The following GCSAML variants were observed in gnomAD, a reference collection of about 807,000 sequenced individuals.
The protein encoded by GCSAML is germinal center associated signaling and motility like.
GCSAML carries 9 observed loss-of-function variants against 13.0 expected under a neutral mutation model. The ratio of observed to expected loss-of-function variants is 0.69; its 90% CI spans 0.42 to 1.21. The LOEUF is 1.21. Among genes scored for constraint, GCSAML ranks in the 50% most tolerant of loss-of-function variants. The pLI, the probability that GCSAML is intolerant of heterozygous loss-of-function variation, is 0.00. For missense variants in GCSAML, 143 were observed against 153.4 expected (o/e 0.93, Z 0.36); for synonymous variants, 37 against 52.9 (o/e 0.70, Z 1.31).
intron 1 of GCSAML, among the ~76,000 whole-genome samples, chr1:247,523,005 A>T (rs1666512695): frequency 6.6e-6 from 1 of 151,964 alleles, no homozygotes; most frequent in Non-Finnish European, 1.5e-5. Flanking sequence ...CATTGCTAAC[A>T]CTCAGTCTAG....
chr1:247,562,696 C>T (rs1323072306), intron 2 of GCSAML, among the ~76,000 whole-genome samples: 1 of 152,080 alleles, frequency 6.6e-6, no homozygotes, highest in African/African-American at 2.4e-5. Flanking sequence ...AGGAGTCTGA[C>T]TGACAGAGAA....
chr1:247,532,449 T>A (rs758305368), intron 2 of GCSAML: 1 of 1,613,828 alleles, frequency 6.2e-7, no homozygotes, highest in Admixed American at 1.7e-5. Context: ...CTAGTGAGGG[T>A]CGTGTGGAGA....
At chr1:247,535,204 A>G (rs550773803) in intron 2 of GCSAML, among the ~76,000 whole-genome samples, 1 of 152,258 alleles carries the variant, frequency 6.6e-6, no homozygotes, top group African/African-American at 2.4e-5. Flanking sequence ...AGTCTCAGCT[A>G]CTTGGGAAGC....
chr1:247,542,374 G>A (rs1358035807), intron 2 of GCSAML, among the ~76,000 whole-genome samples: 1 of 152,206 alleles, frequency 6.6e-6, no homozygotes, highest in Non-Finnish European at 1.5e-5. Context: ...GTAACTCCTT[G>A]TAGAATACTG....
rs1448589838 is a variant in GCSAML, at chr1:247,527,889, C to T, written c.-148+835C>T. 1 of 152,166 alleles carries T rather than the reference C, an allele frequency of 6.6e-6. No individual in the cohort carries two copies. Among genetic ancestry groups the T allele is most frequent in the African/African-American group, 2.4e-5 (1 of 41,412 alleles). 9.4% of individuals were successfully genotyped at this position (152,166 alleles called of 1,614,324 possible). ...CCTTTAACAAATCTCTTCTCATTCCCCCACCCCTGCTATCCATTCCCAGCC... is the reference window on the plus strand; with the variant it reads ...CCTTTAACAAATCTCTTCTCATTCCTCCACCCCTGCTATCCATTCCCAGCC... On this transcript the variant is annotated intron_variant, in intron 2 of 5. Transcript: ENST00000366489. This position sits in a 1 kb window ranked among gnomAD's most constrained non-coding sequence, Gnocchi z 4.6.
intron 2 of GCSAML, chr1:247,532,276 A>C: frequency 6.2e-7 from 1 of 1,614,202 alleles, no homozygotes. Context: ...GAGCTGTGGG[A>C]CAATGCTCGT....
rs1572386425 is a variant in GCSAML, at chr1:247,574,493, G to A, written c.*111G>A. 8.2e-7 allele frequency: 1 copy of A among 1,213,854 alleles called. No homozygotes were observed. The highest frequency in any genetic ancestry group is 2.4e-5 in the East Asian group (1 of 41,838). 75.2% of individuals were successfully genotyped at this position (1,213,854 alleles called of 1,614,324 possible). ...CATGAAACATTCCTTTCTGGCTAAAGTTTAGAAATATTATCTTATTATATA... is the reference window on the plus strand; with the variant it reads ...CATGAAACATTCCTTTCTGGCTAAAATTTAGAAATATTATCTTATTATATA... On this transcript the variant is annotated 3_prime_UTR_variant, in exon 5 of 5. Coordinates refer to ENST00000366488, the MANE Select transcript of GCSAML (RefSeq NM_145278.5).
rs1666685469 is a variant in GCSAML, at chr1:247,526,438, A to C, written c.-262-502A>C. On this transcript the variant is annotated intron_variant, in intron 1 of 5. Transcript: ENST00000366489. This position sits in a 1 kb window ranked among gnomAD's most constrained non-coding sequence, Gnocchi z 4.8. ...ATGTTCTGTGATCCCAGAGAGCAGGAAAGGGCAAGGACAAAGAGGGTTTGG... is the reference window on the plus strand; with the variant it reads ...ATGTTCTGTGATCCCAGAGAGCAGGCAAGGGCAAGGACAAAGAGGGTTTGG... The C allele has an allele frequency of 6.5e-6, 1 of 154,666 alleles. No homozygotes were observed. The highest frequency in any genetic ancestry group is 1.4e-5 in the Non-Finnish European group (1 of 69,726). The allele number at this position is 154,666 out of a possible 1,614,324, so 9.6% of individuals were successfully genotyped here. A position where few individuals can be genotyped will look rare whatever the true frequency, so the allele number is the denominator to read the frequency against.
In GCSAML at chr1:247,566,026, G is replaced by A. The variant is rs531352871; in HGVS notation, c.168+67G>A. On this transcript the variant is annotated intron_variant, in intron 4 of 4. Coordinates refer to ENST00000366488, the MANE Select transcript of GCSAML (RefSeq NM_145278.5). ...CTTTTATTATGTTTGTCTGATAAAT[G>A]CCAAAATACAGATGATTTATTCAAG... The A allele has an allele frequency of 1.2e-4, 129 of 1,077,488 alleles. No homozygotes were observed. In the African/African-American group the frequency reaches 2.0e-3, roughly 16 times the overall value. 66.7% of individuals were successfully genotyped at this position (1,077,488 alleles called of 1,614,324 possible). A position where few individuals can be genotyped will look rare whatever the true frequency, so the allele number is the denominator to read the frequency against.
intron 1 of GCSAML, among the ~76,000 whole-genome samples, chr1:247,508,490 G>T (rs7515219): frequency 0.73 from 111,086 of 151,958 alleles, 42,343 homozygotes; most frequent in East Asian, 0.96. Context: ...AGTTTCTTTT[G>T]CTGTGCAGAA....
Position 247,574,447 on chromosome 1 carries a change from A to G in GCSAML, c.*65A>G. 1 of 1,572,344 alleles carries G rather than the reference A, an allele frequency of 6.4e-7. No individual in the cohort carries two copies. Among genetic ancestry groups the G allele is most frequent in the Admixed American group, 1.7e-5 (1 of 58,398 alleles). On this transcript the variant is annotated 3_prime_UTR_variant, in exon 5 of 5. Coordinates refer to ENST00000366488, the MANE Select transcript of GCSAML (RefSeq NM_145278.5). ...AATGCAGAATAGCAGACTCTGGCGA[A>G]GTTGTTCACCCTGAGCAGTGCATGA...
intron 2 of GCSAML, chr1:247,536,025 A>C (rs1290035211): frequency 6.6e-6 from 1 of 152,222 alleles, no homozygotes; most frequent in East Asian, 1.9e-4. Context: ...ATCAAAGGCC[A>C]CATGAGGAAA....
At chr1:247,570,349 T>C (rs1662183973) in intron 4 of GCSAML, among the ~76,000 whole-genome samples, 1 of 152,212 alleles carries the variant, frequency 6.6e-6, no homozygotes, top group Admixed American at 6.5e-5. Flanking sequence ...CATTTAGTGC[T>C]ATAAATTTCC....
In GCSAML at chr1:247,577,583, A is replaced by G. The variant is rs118153895; in HGVS notation, c.*3201A>G. 34 of 152,322 alleles carry G rather than the reference A, an allele frequency of 2.2e-4. No homozygotes were observed. In the East Asian group the frequency reaches 5.4e-3, roughly 24 times the overall value. The allele number at this position is 152,322 out of a possible 1,614,324, so 9.4% of individuals were successfully genotyped here. A position where few individuals can be genotyped will look rare whatever the true frequency, so the allele number is the denominator to read the frequency against. On this transcript the variant is annotated 3_prime_UTR_variant, in exon 5 of 5. Coordinates refer to ENST00000366488, the MANE Select transcript of GCSAML (RefSeq NM_145278.5). ...CTTGTCTCAGCATATCACCATATAG[A>G]TATACTATAATTTGTTAATCTAATC... is the stretch of plus-strand genomic sequence containing the variant.
Position 247,565,912 on chromosome 1 carries a change from T to C in GCSAML, c.140-19T>C, listed in dbSNP as rs750642079. 12 of 1,554,202 alleles carry C rather than the reference T, an allele frequency of 7.7e-6. No individual in the cohort carries two copies. Among genetic ancestry groups the C allele is most frequent in the African/African-American group, 1.4e-5 (1 of 71,510 alleles). ...AGTGCTTTCCTTTCTTTCTTTTTTTTTTTTTTTTAATTCTCCAGGCCAAGA... is the reference window on the plus strand; with the variant it reads ...AGTGCTTTCCTTTCTTTCTTTTTTTCTTTTTTTTAATTCTCCAGGCCAAGA... On this transcript the variant is annotated intron_variant, in intron 3 of 4. Coordinates refer to ENST00000366488, the MANE Select transcript of GCSAML (RefSeq NM_145278.5).
At chr1:247,514,428 G>T (rs920111922) in intron 1 of GCSAML, among the ~76,000 whole-genome samples, 4 of 152,152 alleles carry the variant, frequency 2.6e-5, no homozygotes, top group Admixed American at 2.6e-4. Flanking sequence ...TCAGTTGTCT[G>T]TTAACTCTGC....
chr1:247,574,480 C>T lies in GCSAML; in HGVS notation c.*98C>T. 7.6e-7 allele frequency: 1 copy of T among 1,318,484 alleles called. No individual in the cohort carries two copies. Among genetic ancestry groups the T allele is most frequent in the Non-Finnish European group, 1.0e-6 (1 of 953,568 alleles). 81.7% of individuals were successfully genotyped at this position (1,318,484 alleles called of 1,614,324 possible). The stretch of plus-strand genomic sequence containing the variant: ...ACCCTGAGCAGTGCATGAAACATTC[C>T]TTTCTGGCTAAAGTTTAGAAATATT... On this transcript the variant is annotated 3_prime_UTR_variant, in exon 5 of 5. Transcript: ENST00000366488.
At position 247,565,935 on chromosome 1, in the gene GCSAML, A is replaced by G. The variant is rs755961247; in HGVS notation, c.144A>G (p.Gln48=). Residue 48 remains glutamine, a synonymous_variant, in exon 4 of 5, where the codon CAA becomes CAG. Coordinates refer to ENST00000366488, the MANE Select transcript of GCSAML (RefSeq NM_145278.5). ...RKLQDQDKKS[Q]EVSSTSNQEN... is the part of the protein sequence containing the mutation. ...TTTTTTTTTTTAATTCTCCAGGCCA[A>G]GAAGTTTCATCCACTTCTAATCAGG... 5.8e-6 allele frequency: 9 copies of G among 1,559,330 alleles called. No individual in the cohort carries two copies. The highest frequency in any genetic ancestry group is 7.8e-6 in the Non-Finnish European group (9 of 1,160,350).
intron 1 of GCSAML, among the ~76,000 whole-genome samples, chr1:247,512,786 G>A (rs1666084698): frequency 6.6e-6 from 1 of 152,104 alleles, no homozygotes; most frequent in Admixed American, 6.5e-5. Flanking sequence ...CAGATCTGCT[G>A]GAGTTTGCTG....
Sources: allele counts gnomAD v4.1 joint callset (sites outside exome capture counted in the v4.1 genomes callset), GRCh38; gene constraint gnomAD v4.1.1; non-coding constraint Gnocchi (gnomAD v3.1); transcripts MANE v1.5; gene names NCBI Gene and HGNC (gene_info 2026-07-23, HGNC 2026-07-21).